The following APLP2 variants were observed in gnomAD, a reference collection of about 807,000 sequenced individuals.
The protein encoded by APLP2 is CDEI box-binding protein.
A neutral mutation model predicts 89.9 loss-of-function variants in APLP2; 53 were observed. The ratio of observed to expected loss-of-function variants is 0.59; its 90% CI spans 0.47 to 0.74. The LOEUF (loss-of-function observed/expected upper bound fraction) is 0.74, where lower values mean the gene tolerates loss of function less well. APLP2 is among the 30% of genes least tolerant of loss of function. The pLI, the probability that APLP2 is intolerant of heterozygous loss-of-function variation, is 0.00. For synonymous variants in APLP2, 372 were observed against 348.6 expected (o/e 1.07, Z -0.75); for missense variants, 973 against 975.9 (o/e 1.00, Z 0.04).
chr11:130,127,681 T>G (rs566714362), intron 8 of APLP2, 85 bp from the exon 9 acceptor site: 1 of 1,110,074 alleles, frequency 9.0e-7, no homozygotes, highest in Admixed American at 1.8e-5. Flanking sequence ...CTGTGAGATT[T>G]AGCATCTGAC....
At chr11:130,075,601 C>T (rs982491487) in intron 1 of APLP2, among the ~76,000 whole-genome samples, 3 of 152,126 alleles carry the variant, frequency 2.0e-5, no homozygotes, top group Non-Finnish European at 4.4e-5. Flanking sequence ...CCGGATGATT[C>T]TAATGTGCAA....
At chr11:130,135,358 T>C (rs1238888535) in intron 12 of APLP2, among the ~76,000 whole-genome samples, 1 of 152,126 alleles carries the variant, frequency 6.6e-6, no homozygotes, top group Non-Finnish European at 1.5e-5. Context: ...ACCACTTAAC[T>C]GGAGTGTGGA....
chr11:130,073,156 G>A (rs11824856), intron 1 of APLP2, among the ~76,000 whole-genome samples: 17,056 of 152,188 alleles, frequency 0.11, 1,236 homozygotes, highest in East Asian at 0.25. Flanking sequence ...TACTGGAAGT[G>A]TAACATACAC....
intron 11 of APLP2, 57 bp downstream of exon 11, chr11:130,130,223 A>G: frequency 1.2e-6 from 2 of 1,610,114 alleles, no homozygotes; most frequent in Admixed American, 1.7e-5. Flanking sequence ...GGGGAACATA[A>G]TGCCTTGACT....
At chr11:130,085,604 A>G (rs1591769259) in intron 1 of APLP2, among the ~76,000 whole-genome samples, 2 of 152,312 alleles carry the variant, frequency 1.3e-5, no homozygotes, top group South Asian at 2.1e-4. Flanking sequence ...AAGAGGGAAC[A>G]TTTTCATTTT....
intron 8 of APLP2, 45 bp downstream of exon 8, chr11:130,126,875 G>T: frequency 3.1e-6 from 5 of 1,609,486 alleles, no homozygotes; most frequent in Non-Finnish European, 3.4e-6. Context: ...TTGGCTTTGG[G>T]TAGCATGGTT....
rs577684074 is a variant in APLP2, at chr11:130,137,282, A to G, written c.1837+1567A>G. ...CACTCAGCCGGAGTTGTACCACCCA[A>G]TGAAAAAAGGTTGGTTTGTCCAAGA... On this transcript the variant is annotated intron_variant, in intron 13 of 16. Transcript: ENST00000338167. The G allele has an allele frequency of 1.8e-5, 29 of 1,614,056 alleles. No homozygotes were observed. In the Admixed American group the frequency reaches 2.5e-4, roughly 14 times the overall value.
At chr11:130,096,700 A>G (rs1946250046) in intron 1 of APLP2, among the ~76,000 whole-genome samples, 1 of 152,220 alleles carries the variant, frequency 6.6e-6, no homozygotes, top group African/African-American at 2.4e-5. Context: ...CCTGGGTGAC[A>G]GAGCAAGACC....
chr11:130,091,763 G>T (rs866387863), intron 1 of APLP2, among the ~76,000 whole-genome samples: 22 of 147,916 alleles, frequency 1.5e-4, no homozygotes, highest in Non-Finnish European at 3.0e-4. Flanking sequence ...CTGGCCAGGC[G>T]GGGGGCTGAA....
intron 1 of APLP2, among the ~76,000 whole-genome samples, chr11:130,099,918 C>T (rs571403057): frequency 3.3e-5 from 5 of 152,132 alleles, no homozygotes; most frequent in Non-Finnish European, 5.9e-5. Flanking sequence ...AGTGGTTCTG[C>T]GTGTTATTTT....
rs1457662712 is a variant in APLP2, at chr11:130,141,248, C to G, written c.1924-250C>G. The G allele has an allele frequency of 6.0e-6, 3 of 497,794 alleles. No homozygotes were observed. The highest frequency in any genetic ancestry group is 1.1e-5 in the Non-Finnish European group (3 of 276,954). The allele number at this position is 497,794 out of a possible 1,614,324, so 30.8% of individuals were successfully genotyped here. On this transcript the variant is annotated intron_variant, in intron 14 of 16. Transcript: ENST00000338167. This position sits in a 1 kb window ranked among gnomAD's most constrained non-coding sequence, Gnocchi z 4.2. ...CAGTCTGTTCTGAGATACGTCTCCA[C>G]AACGGTTACTTGAAGGAAAATGCAT...
chr11:130,126,137 A>G (rs1017100623), intron 7 of APLP2, among the ~76,000 whole-genome samples: 10 of 152,236 alleles, frequency 6.6e-5, no homozygotes, highest in Non-Finnish European at 1.5e-4. Flanking sequence ...TGAAAACTCA[A>G]AATTATAGCT....
chr11:130,105,728 A>T (rs1591801918), intron 1 of APLP2, among the ~76,000 whole-genome samples: 3 of 95,240 alleles, frequency 3.1e-5, no homozygotes, highest in African/African-American at 4.5e-5. Flanking sequence ...TTTGAGATGG[A>T]GTTTCGCTCT....
chr11:130,139,348 C>T (rs1451053845), intron 13 of APLP2: 1 of 152,222 alleles, frequency 6.6e-6, no homozygotes, highest in Non-Finnish European at 1.5e-5. Flanking sequence ...AGCCCAGGGA[C>T]AGCAGTGCTT....
chr11:130,070,652 CG>C, intron 1 of APLP2: 1 of 1,470,928 alleles, frequency 6.8e-7, no homozygotes, highest in South Asian at 1.3e-5. Flanking sequence ...CCAGGCCGCC[CG>C]CTGCTCCCTC....
rs371798269 is a variant in APLP2, at chr11:130,127,856, T to C, written c.1296+16T>C. 6 of 1,610,780 alleles carry C rather than the reference T, an allele frequency of 3.7e-6. No homozygotes were observed. The African/African-American group carries it at 4.0e-5, about 11-fold the overall frequency. The stretch of plus-strand genomic sequence containing the variant: ...TCTGATTCAGGTAAGATGCCTTCTC[T>C]GGGGACATAGCTTTCAGCCTGACCA... On this transcript the variant is annotated intron_variant, in intron 9 of 16. Coordinates refer to ENST00000338167, the MANE Select transcript of APLP2 (RefSeq NM_001142276.2).
chr11:130,126,949 G>GTATA, intron 8 of APLP2, 119 bp downstream of exon 8: 1 of 1,376,584 alleles, frequency 7.3e-7, no homozygotes, highest in Non-Finnish European at 1.0e-6. Flanking sequence ...AAGGACTGGT[G>GTATA]AGTCAGGAGA....
chr11:130,122,854 G>A (rs1015734639), intron 6 of APLP2, among the ~76,000 whole-genome samples: 1 of 152,126 alleles, frequency 6.6e-6, no homozygotes, highest in Non-Finnish European at 1.5e-5. Flanking sequence ...TCAAGTTCTG[G>A]CCTCCTAGAA....
chr11:130,129,936 G>C (rs188040454), intron 10 of APLP2, 102 bp from the exon 11 acceptor site: 1 of 1,340,506 alleles, frequency 7.5e-7, no homozygotes, highest in East Asian at 2.3e-5. Context: ...CTTGTGCCTA[G>C]CTGAGCTTTA....
Sources: allele counts gnomAD v4.1 joint callset (sites outside exome capture counted in the v4.1 genomes callset), GRCh38; gene constraint gnomAD v4.1.1; non-coding constraint Gnocchi (gnomAD v3.1); transcripts MANE v1.5; gene names NCBI Gene and HGNC (gene_info 2026-07-23, HGNC 2026-07-21).